PTPN4: variants seen among roughly 807,000 people sequenced by gnomAD.
The protein encoded by PTPN4 is protein tyrosine phosphatase non-receptor type 4.
A neutral mutation model predicts 135.5 loss-of-function variants in PTPN4; 49 were observed. That is an observed-to-expected ratio of 0.36 (90% CI 0.29 to 0.46). PTPN4 has a LOEUF of 0.46. Among genes scored for constraint, PTPN4 ranks in the 20% least tolerant of loss-of-function variants. The probability of loss-of-function intolerance (pLI) is 1.00; values close to 1 mark genes in which losing one functional copy is unlikely to be tolerated. For missense variants in PTPN4, 860 were observed against 1,101.0 expected, an observed-to-expected ratio of 0.78 and a Z score of 3.10; for synonymous variants, 333 against 369.9, an observed-to-expected ratio of 0.90 and a Z score of 1.14.
chr2:119,766,443 T>TGTGC (rs1553430820), intron 1 of PTPN4, among the ~76,000 whole-genome samples: 1 of 109,768 alleles, frequency 9.1e-6, no homozygotes, highest in African/African-American at 3.2e-5. Flanking sequence ...TATGCGCATG[T>TGTGC]GCGCGCGTGT....
intron 1 of PTPN4, among the ~76,000 whole-genome samples, chr2:119,767,013 C>A (rs1347464907): frequency 6.6e-6 from 1 of 152,154 alleles, no homozygotes; most frequent in Admixed American, 6.5e-5. Flanking sequence ...GAAATAATTT[C>A]AAACCTAATG....
chr2:119,859,872 T>A (rs1183825775), intron 2 of PTPN4, among the ~76,000 whole-genome samples: 1 of 152,220 alleles, frequency 6.6e-6, no homozygotes, highest in Non-Finnish European at 1.5e-5. Flanking sequence ...CTCAGTTTTT[T>A]TCCCATTGAG....
chr2:119,803,145 C>G (rs971079338), intron 1 of PTPN4, among the ~76,000 whole-genome samples: 1 of 152,006 alleles, frequency 6.6e-6, no homozygotes, highest in African/African-American at 2.4e-5. Flanking sequence ...CTTTTTTCCC[C>G]TATTGATTTT....
chr2:119,891,241 A>G (rs1167627964), intron 9 of PTPN4, among the ~76,000 whole-genome samples: 1 of 152,200 alleles, frequency 6.6e-6, no homozygotes, highest in Non-Finnish European at 1.5e-5. Flanking sequence ...TTCATTCTTC[A>G]GACTGATGTA....
intron 24 of PTPN4, among the ~76,000 whole-genome samples, chr2:119,964,374 C>T (rs780451762): frequency 1.3e-5 from 2 of 152,156 alleles, no homozygotes; most frequent in African/African-American, 4.8e-5. Flanking sequence ...TTACTGTCTC[C>T]GTTATACCAA....
chr2:119,888,654 C>G (rs1196600500), intron 9 of PTPN4, among the ~76,000 whole-genome samples: 1 of 152,044 alleles, frequency 6.6e-6, no homozygotes, highest in Non-Finnish European at 1.5e-5. Context: ...TTGAACTATC[C>G]TTACATTCCT....
chr2:119,780,307 C>A (rs1468809640), intron 1 of PTPN4, among the ~76,000 whole-genome samples: 1 of 152,128 alleles, frequency 6.6e-6, no homozygotes, highest in African/African-American at 2.4e-5. Context: ...TAAACACATT[C>A]TTCTATGTAG....
chr2:119,768,073 T>C (rs886408739), intron 1 of PTPN4, among the ~76,000 whole-genome samples: 21 of 152,228 alleles, frequency 1.4e-4, no homozygotes, highest in Admixed American at 1.2e-3. Context: ...ATTTTCTCCT[T>C]CTTCTCCATA....
rs554591525 is a variant in PTPN4, at chr2:119,782,145, G to A, written c.-18+21761G>A. Among the ~76,000 whole-genome samples, 4 of 152,194 alleles carry A rather than the reference G, an allele frequency of 2.6e-5. No individual in the cohort carries two copies. In the South Asian group the frequency reaches 8.3e-4, roughly 32 times the overall value. On this transcript the variant is annotated intron_variant, in intron 1 of 26. Coordinates refer to ENST00000263708, the MANE Select transcript of PTPN4 (RefSeq NM_002830.4). ...ATATAAAAAATTCTTGGCTGGGCGC[G>A]GTGGCTCACGCCTGTAATCCTAGCA...
At chr2:119,922,393 A>G (rs574088790) in intron 12 of PTPN4, among the ~76,000 whole-genome samples, 5 of 152,260 alleles carry the variant, frequency 3.3e-5, no homozygotes, top group African/African-American at 1.2e-4. Context: ...AAAGTTGAAC[A>G]ATTATTTTAA....
At chr2:119,881,958 C>T in intron 6 of PTPN4, 128 bp downstream of exon 6, 1 of 1,056,180 alleles carries the variant, frequency 9.5e-7, no homozygotes, top group Non-Finnish European at 1.4e-6. Flanking sequence ...GTGTGAATTC[C>T]TTTCATCAGA....
intron 1 of PTPN4, among the ~76,000 whole-genome samples, chr2:119,762,567 A>C (rs1690527557): frequency 1.3e-5 from 2 of 152,130 alleles, no homozygotes; most frequent in Admixed American, 6.5e-5. Context: ...GAAAATTGCA[A>C]GGAGGTTTGT....
intron 3 of PTPN4, among the ~76,000 whole-genome samples, 181 bp from the exon 4 acceptor site, chr2:119,877,142 G>C (rs1303639251): frequency 6.6e-6 from 1 of 151,958 alleles, no homozygotes; most frequent in Non-Finnish European, 1.5e-5. Context: ...CTAATTTCTA[G>C]CATAATTTTA....
chr2:119,886,927 T>C (rs1678168271), intron 9 of PTPN4, among the ~76,000 whole-genome samples: 1 of 152,174 alleles, frequency 6.6e-6, no homozygotes, highest in Non-Finnish European at 1.5e-5. Flanking sequence ...TACTTGGAAA[T>C]CTTTTTGTCT....
chr2:119,762,527 GT>G (rs1690527155), intron 1 of PTPN4, among the ~76,000 whole-genome samples: 1 of 152,084 alleles, frequency 6.6e-6, no homozygotes, highest in South Asian at 2.1e-4. Flanking sequence ...TTAGTAAGTT[GT>G]CTTTAAGGAG....
chr2:119,855,410 A>C (rs1415112920), intron 2 of PTPN4, among the ~76,000 whole-genome samples: 1 of 152,190 alleles, frequency 6.6e-6, no homozygotes, highest in Non-Finnish European at 1.5e-5. Context: ...AGGAGCCGCA[A>C]AGAAAATATA....
At chr2:119,823,235 CTTTT>C (rs904685057) in intron 2 of PTPN4, among the ~76,000 whole-genome samples, 1 of 139,604 alleles carries the variant, frequency 7.2e-6, no homozygotes, top group Non-Finnish European at 1.6e-5. Flanking sequence ...TCATCTGTTT[CTTTT>C]TTTTTTTTTT....
At chr2:119,899,046 T>C (rs188086757) in intron 9 of PTPN4, among the ~76,000 whole-genome samples, 7 of 152,322 alleles carry the variant, frequency 4.6e-5, no homozygotes, top group South Asian at 4.1e-4. Context: ...TTCTCTTTAC[T>C]GTAGCCTGCC....
chr2:119,895,944 G>A (rs1678317835), intron 9 of PTPN4, among the ~76,000 whole-genome samples: 1 of 151,650 alleles, frequency 6.6e-6, no homozygotes, highest in African/African-American at 2.4e-5. Flanking sequence ...GGGGATAGCG[G>A]TCTATACACC....
Sources: gnomAD v4.1 joint callset for allele counts (sites outside exome capture counted in the v4.1 genomes callset) on GRCh38, gnomAD v4.1.1 for gene constraint, MANE v1.5 for transcripts, NCBI Gene and HGNC (gene_info 2026-07-23, HGNC 2026-07-21) for gene names.